Variants in MYT1L observed in about 807,000 individuals in gnomAD.
The protein encoded by MYT1L is myelin transcription factor 1-like protein.
In MYT1L, 12 loss-of-function variants were observed where a neutral mutation model predicts 126.7. The ratio of observed to expected loss-of-function variants is 0.09; its 90% CI spans 0.06 to 0.15. The LOEUF is 0.15. MYT1L is among the 10% of genes least tolerant of loss of function. MYT1L has a pLI of 1.00. For synonymous variants in MYT1L, 541 were observed against 604.2 expected (o/e 0.90, Z 1.53); for missense variants, 979 against 1,585.2 (o/e 0.62, Z 6.49).
At chr2:2,225,010 G>A (rs576150886) in intron 2 of MYT1L, among the ~76,000 whole-genome samples, 2 of 152,052 alleles carry the variant, frequency 1.3e-5, no homozygotes, top group South Asian at 4.2e-4. Context: ...AAAACAGGCC[G>A]TGGGTTTTTA....
Position 1,929,783 on chromosome 2 carries a change from T to C in MYT1L, c.506-6520A>G, listed in dbSNP as rs1392418265. Among the ~76,000 whole-genome samples, 1 of 152,230 alleles carries C rather than the reference T, an allele frequency of 6.6e-6. No individual in the cohort carries two copies. Among genetic ancestry groups the C allele is most frequent in the Non-Finnish European group, 1.5e-5 (1 of 68,042 alleles). On this transcript the variant is annotated intron_variant, in intron 9 of 24. Transcript: ENST00000647738. The surrounding 1 kb of genome is among the most constrained non-coding windows in gnomAD (Gnocchi z 4.7). Reference sequence around the variant, plus strand: ...TTGAGATCATGCCTTCAAAATTTAATATGTGAAGAAACTTAGGTCCTGGGA... The same window carrying C: ...TTGAGATCATGCCTTCAAAATTTAACATGTGAAGAAACTTAGGTCCTGGGA...
At chr2:1,879,976 T>A (rs1431167942) in intron 18 of MYT1L, among the ~76,000 whole-genome samples, 2 of 152,350 alleles carry the variant, frequency 1.3e-5, no homozygotes, top group Non-Finnish European at 2.9e-5. Flanking sequence ...ATCTTCCTCA[T>A]GATTTTCTTC....
chr2:2,262,939 GAT>G lies in MYT1L; in HGVS notation c.-421+21463_-421+21464del, dbSNP rs60682131. The stretch of plus-strand genomic sequence containing the variant: ...AAATATATATATATATATAACCTGT[GAT>G]ATATATATATATATCACAGGTAATA... On this transcript the variant is annotated intron_variant, in intron 2 of 24. Coordinates refer to ENST00000647738, the MANE Select transcript of MYT1L (RefSeq NM_001303052.2). Among the ~76,000 whole-genome samples the G allele has an allele frequency of 1.3e-4, 7 of 51,960 alleles. 1 individual carries two copies. The highest frequency in any genetic ancestry group is 1.8e-3 in the South Asian group (2 of 1,132). 34.1% of individuals were successfully genotyped at this position (51,960 alleles called of 152,430 possible).
At chr2:1,961,350 A>C (rs1030320058) in intron 8 of MYT1L, among the ~76,000 whole-genome samples, 2 of 152,230 alleles carry the variant, frequency 1.3e-5, no homozygotes, top group African/African-American at 4.8e-5. Flanking sequence ...ATTGACTTGG[A>C]AGTCCAGCCC....
intron 3 of MYT1L, among the ~76,000 whole-genome samples, chr2:2,137,037 C>A (rs1014764683): frequency 1.4e-4 from 22 of 152,030 alleles, no homozygotes; most frequent in Admixed American, 1.3e-3. Flanking sequence ...CATTCTTATA[C>A]ACCAATAACA....
chr2:2,178,440 T>A (rs984712277), intron 2 of MYT1L, among the ~76,000 whole-genome samples: 2 of 152,174 alleles, frequency 1.3e-5, no homozygotes, highest in African/African-American at 4.8e-5. Context: ...CCTTCTTCCA[T>A]GTTAAGCAAA....
chr2:2,168,528 G>A (rs1285119097), intron 3 of MYT1L, among the ~76,000 whole-genome samples: 2 of 152,110 alleles, frequency 1.3e-5, no homozygotes, highest in African/African-American at 2.4e-5. Context: ...GTAAGGTAAC[G>A]CACTCATCCA....
Position 1,922,774 on chromosome 2 carries a change from T to C in MYT1L, c.995A>G (p.Asn332Ser), listed in dbSNP as rs199856266. ...VCLSSLECLR[N>S]QCFDLARKLS... ...CTTCCTGGCCAGGTCGAAGCACTGATTCCTCAAACACTCCAGACTGCTCAG... is the reference window on the plus strand; with the variant it reads ...CTTCCTGGCCAGGTCGAAGCACTGACTCCTCAAACACTCCAGACTGCTCAG... Residue 332 changes from asparagine (N) to serine (S), a missense_variant, in exon 10 of 25, where the codon AAT becomes AGT. By Grantham distance (46) the Asn-to-Ser change is conservative (BLOSUM62 1). Coordinates refer to ENST00000647738, the MANE Select transcript of MYT1L (RefSeq NM_001303052.2). This position sits in a 1 kb window ranked among gnomAD's most constrained non-coding sequence, Gnocchi z 7.4. 8.3e-5 allele frequency: 134 copies of C among 1,613,856 alleles called. No homozygotes were observed. Among genetic ancestry groups the C allele is most frequent in the Non-Finnish European group, 1.1e-4 (132 of 1,179,900 alleles).
At chr2:1,938,088 T>G (rs1023014366) in intron 9 of MYT1L, among the ~76,000 whole-genome samples, 1 of 152,234 alleles carries the variant, frequency 6.6e-6, no homozygotes, top group African/African-American at 2.4e-5. Flanking sequence ...TAAAGGCAGC[T>G]GCACACACGC....
chr2:2,010,473 T>C (rs2063720195), intron 4 of MYT1L, among the ~76,000 whole-genome samples: 1 of 152,016 alleles, frequency 6.6e-6, no homozygotes, highest in Non-Finnish European at 1.5e-5. Context: ...GACAGCAGTG[T>C]GCTAGGAAGA....
chr2:2,198,370 C>A (rs1368644937), intron 2 of MYT1L, among the ~76,000 whole-genome samples: 1 of 151,950 alleles, frequency 6.6e-6, no homozygotes, highest in Non-Finnish European at 1.5e-5. Context: ...ATAACCAGAG[C>A]AAATAACAAG....
chr2:1,844,623 T>G (rs924288489), intron 19 of MYT1L, among the ~76,000 whole-genome samples: 1 of 152,158 alleles, frequency 6.6e-6, no homozygotes, highest in African/African-American at 2.4e-5. Context: ...GGCTTCCTTG[T>G]CTGTATTTTG....
chr2:1,818,632 G>C (rs995501008), intron 21 of MYT1L, among the ~76,000 whole-genome samples: 1 of 152,040 alleles, frequency 6.6e-6, no homozygotes, highest in Non-Finnish European at 1.5e-5. Context: ...CATTTGCCCC[G>C]GTCGCCACGA....
At chr2:2,211,814 A>C (rs1194663803) in intron 2 of MYT1L, among the ~76,000 whole-genome samples, 31 of 149,488 alleles carry the variant, frequency 2.1e-4, no homozygotes, top group South Asian at 1.0e-3. Context: ...AAAAAAAAAA[A>C]AAAAAAACCA....
chr2:2,225,210 CCTCA>C lies in MYT1L; in HGVS notation c.-420-52226_-420-52223del, dbSNP rs377575218. ...CACTCTGTTCCTGCCTTAATCCTCT[CCTCA>C]CTCCCCTCAACTAACCAACCCCAGG... On this transcript the variant is annotated intron_variant, in intron 2 of 24. Transcript: ENST00000647738. Among the ~76,000 whole-genome samples, 263 of 152,170 alleles carry C rather than the reference CCTCA, an allele frequency of 1.7e-3. 1 individual carries two copies. The highest frequency in any genetic ancestry group is 5.6e-3 in the African/African-American group (233 of 41,534).
intron 18 of MYT1L, among the ~76,000 whole-genome samples, chr2:1,857,930 T>G (rs1369554634): frequency 6.6e-6 from 1 of 152,080 alleles, no homozygotes; most frequent in Non-Finnish European, 1.5e-5. Flanking sequence ...TGGTGCAATC[T>G]CGGCTCACTG....
chr2:2,195,534 A>G (rs2092762200), intron 2 of MYT1L, among the ~76,000 whole-genome samples: 1 of 152,196 alleles, frequency 6.6e-6, no homozygotes, highest in African/African-American at 2.4e-5. Flanking sequence ...AATGTCTGAA[A>G]TTCAAGCAAA....
intron 5 of MYT1L, among the ~76,000 whole-genome samples, chr2:1,983,963 A>T (rs1020245462): frequency 6.6e-6 from 1 of 152,206 alleles, no homozygotes; most frequent in Non-Finnish European, 1.5e-5. Flanking sequence ...ATTTATTTTT[A>T]AAATAAGGAC....
chr2:2,248,709 T>C (rs2094580066), intron 2 of MYT1L, among the ~76,000 whole-genome samples: 1 of 152,110 alleles, frequency 6.6e-6, no homozygotes, highest in Non-Finnish European at 1.5e-5. Flanking sequence ...ATTGCAAGGA[T>C]GGTTCAACAT....
Sources: gnomAD v4.1 joint callset for allele counts (sites outside exome capture counted in the v4.1 genomes callset) on GRCh38, gnomAD v4.1.1 for gene constraint, Gnocchi (gnomAD v3.1) non-coding constraint, MANE v1.5 for transcripts, NCBI Gene and HGNC (gene_info 2026-07-23, HGNC 2026-07-21) for gene names.